The following FKBP15 variants were observed in gnomAD, a reference collection of about 807,000 sequenced individuals.
FKBP15 encodes the protein FKBP prolyl isomerase family member 15.
In FKBP15, 106 loss-of-function variants were observed where a neutral mutation model predicts 158.1. The observed-to-expected ratio is 0.67, with a 90% CI of 0.57 to 0.79. The LOEUF is 0.79. Among genes scored for constraint, FKBP15 ranks in the 30% least tolerant of loss-of-function variants. The pLI, the probability that FKBP15 is intolerant of heterozygous loss-of-function variation, is 0.00. For synonymous variants in FKBP15, 547 were observed against 548.6 expected, an observed-to-expected ratio of 1.00 and a Z score of 0.04; for missense variants, 1,287 against 1,479.1, an observed-to-expected ratio of 0.87 and a Z score of 2.13.
chr9:113,169,451 A>G lies in FKBP15; in HGVS notation c.3258T>C (p.Asp1086=). The stretch of plus-strand genomic sequence containing the variant: ...TTGTGGAGCTTTCTTGTAGTGGGCC[A>G]TCTGGTGCTACTTCCCTGACACAGA... ...GKVCVREVAP[D]GPLQESSTRL... is the part of the protein sequence containing the mutation. Residue 1086 remains aspartate (D), a synonymous_variant, in exon 26 of 28, where the codon GAT becomes GAC. Coordinates refer to ENST00000238256, the MANE Select transcript of FKBP15 (RefSeq NM_015258.2). The G allele has an allele frequency of 6.2e-7, 1 of 1,614,036 alleles. No homozygotes were observed. The highest frequency in any genetic ancestry group is 1.3e-5 in the African/African-American group (1 of 75,050).
chr9:113,164,870 A>T lies in FKBP15; in HGVS notation c.*1208T>A, dbSNP rs150867082. The T allele has an allele frequency of 2.0e-3, 301 of 152,328 alleles. 1 individual carries two copies. Among genetic ancestry groups the T allele is most frequent in the African/African-American group, 6.8e-3 (284 of 41,570 alleles). 9.4% of individuals were successfully genotyped at this position (152,328 alleles called of 1,614,324 possible). A position where few individuals can be genotyped will look rare whatever the true frequency, so the allele number is the denominator to read the frequency against. On this transcript the variant is annotated 3_prime_UTR_variant, in exon 28 of 28. Transcript: ENST00000238256. ...CCAGTCTGTGAAAGTGCCAAACAGC[A>T]CCGCCTTTTGTTAAGCAACAAAGAA... is the stretch of plus-strand genomic sequence containing the variant.
rs192758074 is a variant in FKBP15 at position 113,213,219 on chromosome 9, A to G, written c.54-1627T>C. Among the ~76,000 whole-genome samples the G allele has an allele frequency of 7.4e-3, 1,130 of 151,762 alleles. 6 individuals carry two copies. Among genetic ancestry groups the G allele is most frequent in the Admixed American group, 0.013 (204 of 15,234 alleles). On this transcript the variant is annotated intron_variant, in intron 1 of 27. Transcript: ENST00000238256. The stretch of plus-strand genomic sequence containing the variant: ...AGGTCAGGCGTTCGAGACCAGCCTG[A>G]CCAACATGGTGAAACCCTATCTCTA...
intron 12 of FKBP15, 32 bp downstream of exon 12, chr9:113,190,439 C>T (rs1234003158): frequency 6.8e-7 from 1 of 1,477,226 alleles, no homozygotes; most frequent in African/African-American, 1.4e-5. Flanking sequence ...GACATCTGTA[C>T]TATTCATTCT....
chr9:113,186,438 G>T, intron 14 of FKBP15, 75 bp from the exon 15 acceptor site: 1 of 1,074,042 alleles, frequency 9.3e-7, no homozygotes, highest in Non-Finnish European at 1.4e-6. Flanking sequence ...TTTCTTTGGT[G>T]GAATAAAGTG....
In FKBP15 at chr9:113,162,570, G is replaced by C. The variant is rs995401146; in HGVS notation, c.*3508C>G. 1.0e-5 allele frequency: 5 copies of C among 490,532 alleles called. No individual in the cohort carries two copies. Among genetic ancestry groups the C allele is most frequent in the Non-Finnish European group, 1.7e-5 (5 of 289,842 alleles). The allele number at this position is 490,532 out of a possible 1,614,324, so 30.4% of individuals were successfully genotyped here. ...ATATGTCTCTTTAAAAATAAATCTC[G>C]AGTTTTTTCTGGGGGCGGGGGTGGG... On this transcript the variant is annotated 3_prime_UTR_variant, in exon 28 of 28. Coordinates refer to ENST00000238256, the MANE Select transcript of FKBP15 (RefSeq NM_015258.2).
In FKBP15 at chr9:113,169,457, T is replaced by C. The variant is rs749364046; in HGVS notation, c.3252A>G (p.Ala1084=). 1 of 1,614,054 alleles carries C rather than the reference T, an allele frequency of 6.2e-7. No individual in the cohort carries two copies. The highest frequency in any genetic ancestry group is 8.5e-7 in the Non-Finnish European group (1 of 1,179,900). Reference sequence around the variant, plus strand: ...AGCTTTCTTGTAGTGGGCCATCTGGTGCTACTTCCCTGACACAGACCTTTC... The same window carrying C: ...AGCTTTCTTGTAGTGGGCCATCTGGCGCTACTTCCCTGACACAGACCTTTC... ...PSGKVCVREV[A]PDGPLQESST... Residue 1084 remains alanine, a synonymous_variant, in exon 26 of 28, where the codon GCA becomes GCG. Coordinates refer to ENST00000238256, the MANE Select transcript of FKBP15 (RefSeq NM_015258.2).
chr9:113,207,644 T>C (rs575243213), intron 2 of FKBP15, among the ~76,000 whole-genome samples: 51 of 152,286 alleles, frequency 3.3e-4, no homozygotes, highest in African/African-American at 1.2e-3. Context: ...GGCCTTAAAC[T>C]AATTTTTAAC....
chr9:113,210,767 T>G (rs113295537), intron 2 of FKBP15, among the ~76,000 whole-genome samples: 4,066 of 133,060 alleles, frequency 0.031, 189 homozygotes, highest in African/African-American at 0.11. Context: ...CCAGCGTGGC[T>G]AGTATAAGGC....
At chr9:113,204,928 C>G (rs970747315) in intron 4 of FKBP15, among the ~76,000 whole-genome samples, 7 of 140,230 alleles carry the variant, frequency 5.0e-5, no homozygotes, top group Non-Finnish European at 1.1e-4. Flanking sequence ...TGTATGTTAA[C>G]TGCAATATCT....
intron 2 of FKBP15, among the ~76,000 whole-genome samples, chr9:113,210,032 T>C (rs2118946887): frequency 6.6e-6 from 1 of 152,286 alleles, no homozygotes; most frequent in East Asian, 1.9e-4. Flanking sequence ...GAAAAGTAGG[T>C]CTTCCTTCTC....
intron 1 of FKBP15, among the ~76,000 whole-genome samples, chr9:113,213,593 AAAG>A (rs1051094970): frequency 2.0e-5 from 3 of 151,872 alleles, no homozygotes; most frequent in Non-Finnish European, 4.4e-5. Context: ...AAAAAAAAAA[AAAG>A]GATTACTAGA....
Position 113,199,800 on chromosome 9 carries a change from G to T in FKBP15, c.648+14C>A, listed in dbSNP as rs780273392. The T allele has an allele frequency of 4.7e-5, 75 of 1,608,188 alleles. No homozygotes were observed. The highest frequency in any genetic ancestry group is 6.7e-5 in the South Asian group (6 of 89,940). ...ATAAGTTTACAAAAGAACTTGCAGG[G>T]TGCATTTTCTTACCTGGCCCAGCAC... On this transcript the variant is annotated intron_variant, in intron 7 of 27. Coordinates refer to ENST00000238256, the MANE Select transcript of FKBP15 (RefSeq NM_015258.2).
At chr9:113,218,491 C>T (rs1587981498) in intron 1 of FKBP15, among the ~76,000 whole-genome samples, 1 of 150,290 alleles carries the variant, frequency 6.7e-6, no homozygotes, top group East Asian at 2.0e-4. Flanking sequence ...ACAATAATGT[C>T]TATGTATTTC....
Position 113,195,588 on chromosome 9 carries a change from T to C in FKBP15, c.864+1344A>G, listed in dbSNP as rs76740691. On this transcript the variant is annotated intron_variant, in intron 9 of 27. Transcript: ENST00000238256. ...TTAGGAACAGTTAGGAAAGCGTCACTGAGAAGGGAAGCACATCCTTTCTCT... is the reference window on the plus strand; with the variant it reads ...TTAGGAACAGTTAGGAAAGCGTCACCGAGAAGGGAAGCACATCCTTTCTCT... Among the ~76,000 whole-genome samples the C allele has an allele frequency of 7.3e-3, 1,110 of 152,262 alleles. 9 individuals are homozygous for C. The highest frequency in any genetic ancestry group is 0.011 in the Non-Finnish European group (755 of 68,008).
chr9:113,186,898 TA>T (rs1830494850), intron 14 of FKBP15: 1 of 152,438 alleles, frequency 6.6e-6, no homozygotes, highest in Non-Finnish European at 1.5e-5. Flanking sequence ...TTCTGTGGAC[TA>T]AATGAAGTGA....
chr9:113,181,073 G>A (rs1830387186), intron 19 of FKBP15, among the ~76,000 whole-genome samples: 1 of 152,140 alleles, frequency 6.6e-6, no homozygotes, highest in African/African-American at 2.4e-5. Context: ...TAAAACATGT[G>A]GTACTTGGCA....
At chr9:113,186,749 C>T (rs570700694) in intron 14 of FKBP15, 1 of 161,018 alleles carries the variant, frequency 6.2e-6, no homozygotes, top group Non-Finnish European at 1.4e-5. Context: ...GATTCCAAAC[C>T]AAATCTGCCA....
chr9:113,214,815 A>G (rs1366582062), intron 1 of FKBP15, among the ~76,000 whole-genome samples: 2 of 152,250 alleles, frequency 1.3e-5, no homozygotes, highest in African/African-American at 2.4e-5. Context: ...TCTTTGCTAG[A>G]ACTTCTAGTA....
chr9:113,180,888 T>C (rs1830383763), intron 19 of FKBP15, among the ~76,000 whole-genome samples: 1 of 152,202 alleles, frequency 6.6e-6, no homozygotes, highest in Non-Finnish European at 1.5e-5. Context: ...CCCTTAACCA[T>C]ACTTTTCTGA....
Sources: allele counts gnomAD v4.1 joint callset (sites outside exome capture counted in the v4.1 genomes callset), GRCh38; gene constraint gnomAD v4.1.1; transcripts MANE v1.5; gene names NCBI Gene and HGNC (gene_info 2026-07-23, HGNC 2026-07-21).